MAPRE2: variants seen among roughly 807,000 people sequenced by gnomAD.
MAPRE2 encodes the protein microtubule associated protein RP/EB family member 2.
In MAPRE2, 13 loss-of-function variants were observed where a neutral mutation model predicts 43.2. The observed-to-expected ratio is 0.30, with a 90% CI of 0.20 to 0.48. MAPRE2 has a LOEUF of 0.48. Among genes scored for constraint, MAPRE2 ranks in the 20% least tolerant of loss-of-function variants. The pLI is 0.99. For synonymous variants in MAPRE2, 135 were observed against 148.8 expected (o/e 0.91, Z 0.68); for missense variants, 161 against 400.2 (o/e 0.40, Z 5.10).
At position 35,027,442 on chromosome 18, in the gene MAPRE2, A is replaced by T. The variant is rs192964331; in HGVS notation, c.-8+21889A>T. Among the ~76,000 whole-genome samples, 7 of 152,234 alleles carry T rather than the reference A, an allele frequency of 4.6e-5. No individual in the cohort carries two copies. The East Asian group carries it at 1.4e-3, about 29-fold the overall frequency. On this transcript the variant is annotated intron_variant, in intron 2 of 7. Coordinates refer to the MAPRE2 transcript ENST00000413393. ...GGGGAAGCCTTGCATAGGTGTTCCA[A>T]CCAGAGCCCCAGCTGAGGCCCCAAT... is the stretch of plus-strand genomic sequence containing the variant.
At chr18:35,029,861 C>T (rs2097046977) in intron 2 of MAPRE2, among the ~76,000 whole-genome samples, 1 of 152,286 alleles carries the variant, frequency 6.6e-6, no homozygotes, top group South Asian at 2.1e-4. Context: ...AACGAGAGCA[C>T]TCAAATAGAC....
At chr18:35,065,839 C>A (rs1160677259) in intron 1 of MAPRE2, among the ~76,000 whole-genome samples, 1 of 152,198 alleles carries the variant, frequency 6.6e-6, no homozygotes, top group Non-Finnish European at 1.5e-5. Flanking sequence ...CAGGCATGAG[C>A]CACCGCGCCT....
At position 35,140,416 on chromosome 18, in the gene MAPRE2, C is replaced by G. The variant is rs541794276; in HGVS notation, c.*47C>G. The G allele has an allele frequency of 6.5e-7, 1 of 1,536,086 alleles. No individual in the cohort carries two copies. Among genetic ancestry groups the G allele is most frequent in the Admixed American group, 1.9e-5 (1 of 52,470 alleles). On this transcript the variant is annotated 3_prime_UTR_variant, in exon 7 of 7. Coordinates refer to ENST00000300249, the MANE Select transcript of MAPRE2 (RefSeq NM_014268.4). Reference sequence around the variant, plus strand: ...ACTTCCATTGTGTGTGGGAACGTTTCTTCTGGAGAATTGGAACATGTGTGG... The same window carrying G: ...ACTTCCATTGTGTGTGGGAACGTTTGTTCTGGAGAATTGGAACATGTGTGG...
rs511758 is a variant in MAPRE2 at position 35,048,931 on chromosome 18, C to T, written c.122+7270C>T. On this transcript the variant is annotated intron_variant, in intron 1 of 6. Coordinates refer to ENST00000300249, the MANE Select transcript of MAPRE2 (RefSeq NM_014268.4). Reference sequence around the variant, plus strand: ...ATTTTAATTGTGTGCAAAATCGATCCTGAAGTTTATGGCCAATGTTTGTTG... The same window carrying T: ...ATTTTAATTGTGTGCAAAATCGATCTTGAAGTTTATGGCCAATGTTTGTTG... 5.0e-3 allele frequency among the ~76,000 whole-genome samples: 760 copies of T among 151,856 alleles called. 5 individuals are homozygous for T. The highest frequency in any genetic ancestry group is 0.016 in the African/African-American group (679 of 41,398).
In MAPRE2 at chr18:35,097,556, C is replaced by T. The variant is rs758450431; in HGVS notation, c.361C>T (p.Leu121=). ...TGAATATATTCACAATTTTAAACTT[C>T]TGCAAGCATCATTTAAGCGAATGAA... ...EHEYIHNFKL[L]QASFKRMNVD... The change falls in exon 3 of 7, where the codon CTG becomes TTG. Residue 121 remains leucine (L), a synonymous_variant. Coordinates refer to ENST00000300249, the MANE Select transcript of MAPRE2 (RefSeq NM_014268.4). 36 of 1,613,456 alleles carry T rather than the reference C, an allele frequency of 2.2e-5. No homozygotes were observed. Among genetic ancestry groups the T allele is most frequent in the Non-Finnish European group, 3.0e-5 (35 of 1,179,752 alleles).
At chr18:35,010,125 G>A (rs963680009) in intron 2 of MAPRE2, among the ~76,000 whole-genome samples, 69 of 152,170 alleles carry the variant, frequency 4.5e-4, no homozygotes, top group African/African-American at 1.4e-3. Context: ...GGTAGGTCAC[G>A]CCTGTAATCC....
chr18:34,994,452 T>G (rs983370383), intron 1 of MAPRE2, among the ~76,000 whole-genome samples: 2 of 151,654 alleles, frequency 1.3e-5, no homozygotes, highest in Admixed American at 6.6e-5. Context: ...ATGGTCAAAC[T>G]GGGGCTGCCA....
intron 2 of MAPRE2, among the ~76,000 whole-genome samples, chr18:35,007,962 G>A (rs1441609574): frequency 6.6e-6 from 1 of 152,194 alleles, no homozygotes; most frequent in Non-Finnish European, 1.5e-5. Flanking sequence ...GATTCAGTGG[G>A]CCAACTGGGG....
intron 2 of MAPRE2, chr18:35,005,567 A>C: frequency 6.7e-7 from 1 of 1,498,116 alleles, no homozygotes; most frequent in Non-Finnish European, 9.0e-7. Context: ...AGGTTTATAT[A>C]AATTACGTTG....
At position 35,008,454 on chromosome 18, in the gene MAPRE2, T is replaced by C. The variant is rs540290863; in HGVS notation, c.-8+2901T>C. 1.2e-3 allele frequency among the ~76,000 whole-genome samples: 182 copies of C among 152,312 alleles called. 1 individual carries two copies. Among genetic ancestry groups the C allele is most frequent in the Non-Finnish European group, 1.9e-3 (130 of 68,034 alleles). ...TATTTTTCCATTTTTGCATATTTGG[T>C]CTTCTCACGGGCATTCCTAATTTTC... On this transcript the variant is annotated intron_variant, in intron 2 of 7. Coordinates refer to the MAPRE2 transcript ENST00000413393.
chr18:35,050,315 C>A (rs1905870929), intron 1 of MAPRE2, among the ~76,000 whole-genome samples: 1 of 152,184 alleles, frequency 6.6e-6, no homozygotes, highest in South Asian at 2.1e-4. Flanking sequence ...TACTCATGAA[C>A]TTACCAAAGT....
At chr18:34,995,328 G>T (rs2097025935) in intron 1 of MAPRE2, among the ~76,000 whole-genome samples, 3 of 152,152 alleles carry the variant, frequency 2.0e-5, no homozygotes, top group Admixed American at 1.3e-4. Flanking sequence ...GGACTTCCAA[G>T]CATCTTCCTA....
chr18:35,064,033 A>AAAAAAAAAAAAAAAC (rs1568989751), intron 1 of MAPRE2, among the ~76,000 whole-genome samples: 1 of 139,352 alleles, frequency 7.2e-6, no homozygotes, highest in East Asian at 2.0e-4. Flanking sequence ...AAAAAAAAAA[A>AAAAAAAAAAAAAAAC]TCTGGCCAAC....
At chr18:35,086,845 A>G (rs898070254) in intron 2 of MAPRE2, among the ~76,000 whole-genome samples, 1 of 152,150 alleles carries the variant, frequency 6.6e-6, no homozygotes, top group Non-Finnish European at 1.5e-5. Context: ...TTTAAAATAC[A>G]TATGAAAACG....
intron 5 of MAPRE2, 191 bp downstream of exon 5, chr18:35,127,278 C>T (rs147585070): frequency 5.1e-6 from 3 of 583,448 alleles, no homozygotes; most frequent in Non-Finnish European, 8.9e-6. Context: ...GTGTTAGTCA[C>T]AAATCTCAAA....
chr18:35,078,883 G>A (rs1392283261), intron 2 of MAPRE2, among the ~76,000 whole-genome samples: 1 of 152,160 alleles, frequency 6.6e-6, no homozygotes, highest in Non-Finnish European at 1.5e-5. Flanking sequence ...AGAGACATTT[G>A]CTCCTAGTCT....
At chr18:34,981,887 AT>A (rs1261290510) in intron 1 of MAPRE2, among the ~76,000 whole-genome samples, 36 of 34,822 alleles carry the variant, frequency 1.0e-3, no homozygotes, top group South Asian at 7.1e-3. Flanking sequence ...ATTTTTATTT[AT>A]TTTTTTTTTT....
Position 34,979,579 on chromosome 18 carries a change from T to TA in MAPRE2, c.-70+2510dup, listed in dbSNP as rs74625358. ...TGTAACTTTCTTGGTGGGAAGCATG[T>TA]AAAAAAAAAACTGTTGGGAAAGTGT... is the stretch of plus-strand genomic sequence containing the variant. On this transcript the variant is annotated intron_variant, in intron 1 of 7. Transcript: ENST00000413393. 6.3e-3 allele frequency among the ~76,000 whole-genome samples: 929 copies of TA among 147,738 alleles called. 11 individuals carry two copies. Among genetic ancestry groups the TA allele is most frequent in the African/African-American group, 0.016 (646 of 40,456 alleles).
chr18:35,092,218 C>T (rs1392944231), intron 2 of MAPRE2, among the ~76,000 whole-genome samples: 1 of 152,200 alleles, frequency 6.6e-6, no homozygotes, highest in Non-Finnish European at 1.5e-5. Flanking sequence ...TACAATTGAA[C>T]ATGAGATGTG....
Sources: allele counts gnomAD v4.1 joint callset (sites outside exome capture counted in the v4.1 genomes callset), GRCh38; gene constraint gnomAD v4.1.1; transcripts MANE v1.5; gene names NCBI Gene and HGNC (gene_info 2026-07-23, HGNC 2026-07-21).